EPB41L4B: variants seen among roughly 807,000 people sequenced by gnomAD.
EPB41L4B encodes band 4.1-like protein 4B.
Under a neutral mutation model 112.5 loss-of-function variants are expected in EPB41L4B, and 30 were observed. The ratio of observed to expected loss-of-function variants is 0.27; its 90% CI spans 0.20 to 0.36. EPB41L4B has a LOEUF of 0.36. Ranked by LOEUF, EPB41L4B falls within the 10% of genes least tolerant of loss-of-function variation. EPB41L4B has a pLI of 1.00. For synonymous variants in EPB41L4B, 408 were observed against 439.7 expected, an observed-to-expected ratio of 0.93 and a Z score of 0.90; for missense variants, 1,024 against 1,133.3, an observed-to-expected ratio of 0.90 and a Z score of 1.38.
chr9:109,217,197 C>T, intron 15 of EPB41L4B, 52 bp from the exon 16 acceptor site: 5 of 1,546,468 alleles, frequency 3.2e-6, no homozygotes, highest in Non-Finnish European at 4.5e-6. Flanking sequence ...CCTTGCAAGC[C>T]CTCTGTGTAC....
chr9:109,320,315 G>A lies in EPB41L4B; in HGVS notation c.132C>T (p.Ala44=), dbSNP rs1837820494. The A allele has an allele frequency of 1.3e-5, 13 of 1,000,434 alleles. No individual in the cohort carries two copies. The highest frequency in any genetic ancestry group is 1.1e-4 in the East Asian group (1 of 9,400). The allele number at this position is 1,000,434 out of a possible 1,614,324, so 62.0% of individuals were successfully genotyped here. A position where few individuals can be genotyped will look rare whatever the true frequency, so the allele number is the denominator to read the frequency against. Residue 44 remains alanine, a synonymous_variant, in exon 1 of 26, where the codon GCC becomes GCT. Transcript: ENST00000374566. ...CGGCGGGCAGCGCCGAGGAGGAGGC[G>A]GCGGCGGCCGGGCCCCCCCGTGGCC... ...DGGPRGGPAA[A]ASSSALPAAP... is the part of the protein sequence containing the mutation.
intron 18 of EPB41L4B, among the ~76,000 whole-genome samples, chr9:109,207,183 C>T (rs969812828): frequency 6.6e-6 from 1 of 152,170 alleles, no homozygotes; most frequent in Non-Finnish European, 1.5e-5. Flanking sequence ...TCTCTGTTCC[C>T]TCAGCTATAG....
rs117067867 is a variant in EPB41L4B, at chr9:109,218,170, G to T, written c.1410-1025C>A. 7.2e-3 allele frequency among the ~76,000 whole-genome samples: 891 copies of T among 123,440 alleles called. 4 individuals carry two copies. The highest frequency in any genetic ancestry group is 0.02 in the Middle Eastern group (3 of 152). 81.0% of individuals were successfully genotyped at this position (123,440 alleles called of 152,430 possible). A position where few individuals can be genotyped will look rare whatever the true frequency, so the allele number is the denominator to read the frequency against. ...TGGCAGTGTCTCACTCTGTTGCCCAGGTTGGAATACAGTGGCACTATCTCA... is the reference window on the plus strand; with the variant it reads ...TGGCAGTGTCTCACTCTGTTGCCCATGTTGGAATACAGTGGCACTATCTCA... On this transcript the variant is annotated intron_variant, in intron 15 of 25. Transcript: ENST00000374566.
chr9:109,298,526 C>A (rs1208796766), intron 1 of EPB41L4B, among the ~76,000 whole-genome samples: 1 of 152,104 alleles, frequency 6.6e-6, no homozygotes, highest in Non-Finnish European at 1.5e-5. Flanking sequence ...GTTGGCCAGG[C>A]TGGTCTCAAA....
Position 109,247,979 on chromosome 9 carries a change from C to G in EPB41L4B, c.1311-190G>C, listed in dbSNP as rs566015655. 2.6e-5 allele frequency among the ~76,000 whole-genome samples: 4 copies of G among 152,310 alleles called. No homozygotes were observed. In the South Asian group the frequency reaches 6.2e-4, roughly 24 times the overall value. ...AACATATAACAAGGAAAACCCCAGA[C>G]AGCAACTTTCACTTGTCCTTTTAGA... On this transcript the variant is annotated intron_variant, in intron 13 of 25. Transcript: ENST00000374566.
chr9:109,261,440 A>C (rs929837915), intron 6 of EPB41L4B, among the ~76,000 whole-genome samples: 2 of 152,112 alleles, frequency 1.3e-5, no homozygotes, highest in African/African-American at 2.4e-5. Context: ...TCATGCCTGT[A>C]ATCTCAGTGC....
At chr9:109,229,486 T>A (rs528648634) in intron 15 of EPB41L4B, among the ~76,000 whole-genome samples, 10 of 152,326 alleles carry the variant, frequency 6.6e-5, no homozygotes, top group Admixed American at 1.3e-4. Context: ...TGCCTGAACT[T>A]GGACTTACTC....
chr9:109,222,988 T>A (rs111427304), intron 15 of EPB41L4B, among the ~76,000 whole-genome samples: 6 of 152,130 alleles, frequency 3.9e-5, no homozygotes, highest in African/African-American at 1.4e-4. Flanking sequence ...GTGTTCCTAC[T>A]GGGGCCTAGC....
intron 25 of EPB41L4B, among the ~76,000 whole-genome samples, chr9:109,176,028 CCCTTGTCAATA>C (rs1174465700): frequency 1.9e-5 from 1 of 53,798 alleles, no homozygotes; most frequent in African/African-American, 9.2e-5. Flanking sequence ...TCCTCCCTAT[CCCTTGTCAATA>C]TCACACACAC....
At chr9:109,278,181 C>T (rs560364802) in intron 2 of EPB41L4B, among the ~76,000 whole-genome samples, 10 of 152,094 alleles carry the variant, frequency 6.6e-5, no homozygotes, top group Admixed American at 2.6e-4. Flanking sequence ...GCCCTTCTCC[C>T]GGGTCCGGTG....
chr9:109,265,033 C>T lies in EPB41L4B; in HGVS notation c.534-9G>A. On this transcript the variant is annotated splice_polypyrimidine_tract_variant and intron_variant, in intron 4 of 25. Coordinates refer to ENST00000374566, the MANE Select transcript of EPB41L4B (RefSeq NM_019114.5). ...GTAAAACAAACAGGTACCTGACAAA[C>T]ATATACAAAAGTCAACAGAGGGTAA... The T allele has an allele frequency of 6.2e-7, 1 of 1,601,216 alleles. No homozygotes were observed. Among genetic ancestry groups the T allele is most frequent in the South Asian group, 1.1e-5 (1 of 87,828 alleles).
intron 2 of EPB41L4B, among the ~76,000 whole-genome samples, chr9:109,279,499 G>A (rs1039614406): frequency 4.6e-5 from 7 of 152,170 alleles, no homozygotes; most frequent in Admixed American, 3.9e-4. Flanking sequence ...TTACAGGCAC[G>A]AGCCACTGCC....
chr9:109,200,339 A>C lies in EPB41L4B; in HGVS notation c.1947-5T>G, dbSNP rs1262219509. The C allele has an allele frequency of 6.2e-7, 1 of 1,611,992 alleles. No individual in the cohort carries two copies. ...ACACGAATAGGAATAGGACTTCTAG[A>C]GACACACCGAAAAACAGAACAATAC... is the stretch of plus-strand genomic sequence containing the variant. On this transcript the variant is annotated splice_region_variant and splice_polypyrimidine_tract_variant and intron_variant, in intron 19 of 25. Transcript: ENST00000374566.
intron 20 of EPB41L4B, among the ~76,000 whole-genome samples, chr9:109,197,148 T>C (rs993589852): frequency 6.6e-6 from 1 of 152,160 alleles, no homozygotes; most frequent in African/African-American, 2.4e-5. Flanking sequence ...AAAGGCCAGG[T>C]GTGGTGGCTC....
At chr9:109,234,100 T>TTA (rs34461129) in intron 15 of EPB41L4B, among the ~76,000 whole-genome samples, 140 of 145,542 alleles carry the variant, frequency 9.6e-4, no homozygotes, top group Non-Finnish European at 4.5e-4. Flanking sequence ...CAGACTAAGT[T>TTA]AAAAAAAAAA....
intron 1 of EPB41L4B, among the ~76,000 whole-genome samples, chr9:109,285,513 C>T (rs982542376): frequency 3.3e-5 from 5 of 152,102 alleles, no homozygotes; most frequent in African/African-American, 4.8e-5. Flanking sequence ...CAAGTATGTT[C>T]TTTGTTTGCT....
At chr9:109,262,495 G>A (rs1195854289) in intron 6 of EPB41L4B, among the ~76,000 whole-genome samples, 1 of 149,954 alleles carries the variant, frequency 6.7e-6, no homozygotes, top group African/African-American at 2.5e-5. Context: ...CCCTGCCCTA[G>A]TTAGTTTCCT....
At chr9:109,277,244 T>C (rs1330750419) in intron 2 of EPB41L4B, among the ~76,000 whole-genome samples, 1 of 141,522 alleles carries the variant, frequency 7.1e-6, no homozygotes, top group African/African-American at 2.7e-5. Flanking sequence ...ACCCTAAATA[T>C]GGCATTCAGG....
rs555529041 is a variant in EPB41L4B at position 109,317,460 on chromosome 9, C to T, written c.306+2681G>A. Among the ~76,000 whole-genome samples, 6 of 152,352 alleles carry T rather than the reference C, an allele frequency of 3.9e-5. No homozygotes were observed. In the East Asian group the frequency reaches 9.7e-4, roughly 25 times the overall value. Reference sequence around the variant, plus strand: ...CATTCACCTTTGTGTCTGCAGCACACAGCTTGGCACATTGGAGACGCCCAA... The same window carrying T: ...CATTCACCTTTGTGTCTGCAGCACATAGCTTGGCACATTGGAGACGCCCAA... On this transcript the variant is annotated intron_variant, in intron 1 of 25. Coordinates refer to ENST00000374566, the MANE Select transcript of EPB41L4B (RefSeq NM_019114.5).
Sources: gnomAD v4.1 joint callset for allele counts (sites outside exome capture counted in the v4.1 genomes callset) on GRCh38, gnomAD v4.1.1 for gene constraint, MANE v1.5 for transcripts, NCBI Gene and HGNC (gene_info 2026-07-23, HGNC 2026-07-21) for gene names.